Variants in NBAS observed in about 807,000 individuals in gnomAD.
NBAS encodes the protein NAG/BC035112 fusion.
A neutral mutation model predicts 302.5 loss-of-function variants in NBAS; 219 were observed. The observed-to-expected ratio is 0.72, with a 90% CI of 0.65 to 0.81. NBAS has a LOEUF of 0.81. Ranked by LOEUF, NBAS falls within the 30% of genes least tolerant of loss-of-function variation. NBAS has a pLI of 0.00. For missense variants in NBAS, 2,932 were observed against 2,841.6 expected (o/e 1.03, Z -0.72); for synonymous variants, 1,118 against 1,021.6 (o/e 1.09, Z -1.80).
At chr2:15,440,942 G>A (rs1232745474) in intron 21 of NBAS, among the ~76,000 whole-genome samples, 3 of 152,012 alleles carry the variant, frequency 2.0e-5, no homozygotes, top group Non-Finnish European at 4.4e-5. Context: ...GAAGCGAGAA[G>A]GGAAGTTTAG....
chr2:15,134,119 A>C, the NBAS span, among the ~76,000 whole-genome samples: 1 of 148,456 alleles, frequency 6.7e-6, no homozygotes, highest in Non-Finnish European at 1.5e-5. Flanking sequence ...TCCCTCCCCA[A>C]ATTCACATGT....
the NBAS span, among the ~76,000 whole-genome samples, chr2:14,837,458 G>A: frequency 3.3e-5 from 5 of 151,656 alleles, no homozygotes; most frequent in Non-Finnish European, 5.9e-5. Context: ...TGTAGAGAAT[G>A]CTGTTTCTCC....
intron 35 of NBAS, among the ~76,000 whole-genome samples, chr2:15,337,311 T>C (rs1007479248): frequency 6.6e-5 from 10 of 151,708 alleles, no homozygotes; most frequent in African/African-American, 2.4e-4. Context: ...GGGGAAAGGG[T>C]GGGAAGGAGG....
chr2:14,814,374 G>A, the NBAS span, among the ~76,000 whole-genome samples: 1 of 152,234 alleles, frequency 6.6e-6, no homozygotes, highest in Non-Finnish European at 1.5e-5. Context: ...GCTGTACTCT[G>A]TAGATCCACA....
intron 9 of NBAS, among the ~76,000 whole-genome samples, chr2:15,523,968 T>C (rs1423984669): frequency 3.9e-5 from 6 of 152,102 alleles, no homozygotes; most frequent in Admixed American, 3.9e-4. Context: ...CTACTAACAG[T>C]GAACACTGAA....
At chr2:15,152,158 T>C in the NBAS span, among the ~76,000 whole-genome samples, 3 of 152,208 alleles carry the variant, frequency 2.0e-5, no homozygotes, top group East Asian at 5.8e-4. Context: ...GAGTCTTAAA[T>C]GTTTTAGGTA....
At position 15,382,719 on chromosome 2, in the gene NBAS, C is replaced by T. The variant is rs561708871; in HGVS notation, c.3360+496G>A. Among the ~76,000 whole-genome samples the T allele has an allele frequency of 2.6e-5, 4 of 152,182 alleles. No homozygotes were observed. In the South Asian group the frequency reaches 8.3e-4, roughly 32 times the overall value. ...ATCTTCTATAGCTTTCTATGTCATG[C>T]TAAGGAGTAGAGCTACTTTTTGATT... On this transcript the variant is annotated intron_variant, in intron 29 of 51. Transcript: ENST00000281513.
chr2:15,165,823 C>T (rs933384587), downstream of NBAS, among the ~76,000 whole-genome samples: 12 of 152,186 alleles, frequency 7.9e-5, no homozygotes, highest in African/African-American at 2.9e-4. Flanking sequence ...TAACCTTGTG[C>T]AAATTACTCC....
intron 44 of NBAS, among the ~76,000 whole-genome samples, chr2:15,260,971 A>G (rs1668825176): frequency 6.6e-6 from 1 of 152,204 alleles, no homozygotes; most frequent in African/African-American, 2.4e-5. Context: ...AATGCTGACC[A>G]CAATGCTCAA....
At chr2:15,111,404 G>A in the NBAS span, among the ~76,000 whole-genome samples, 1 of 152,260 alleles carries the variant, frequency 6.6e-6, no homozygotes, top group African/African-American at 2.4e-5. Flanking sequence ...AGATCTGCAT[G>A]CTATTAGCAT....
the NBAS span, among the ~76,000 whole-genome samples, chr2:14,965,721 ATT>A: frequency 6.6e-6 from 1 of 152,150 alleles, no homozygotes; most frequent in Non-Finnish European, 1.5e-5. Flanking sequence ...TTAAGACAGT[ATT>A]TTCTAAAAGT....
At chr2:14,825,341 A>G in the NBAS span, among the ~76,000 whole-genome samples, 3 of 152,198 alleles carry the variant, frequency 2.0e-5, no homozygotes, top group Non-Finnish European at 4.4e-5. Flanking sequence ...TGCAATATCA[A>G]TCTGGTGAAC....
the NBAS span, among the ~76,000 whole-genome samples, chr2:14,916,267 G>A: frequency 6.6e-6 from 1 of 152,068 alleles, no homozygotes; most frequent in Non-Finnish European, 1.5e-5. Flanking sequence ...TCTGTAAAAT[G>A]ATAAGCTTCA....
intron 8 of NBAS, 41 bp from the exon 9 acceptor site, chr2:15,534,682 C>T (rs1453242808): frequency 7.3e-7 from 1 of 1,370,416 alleles, no homozygotes; most frequent in South Asian, 1.2e-5. Flanking sequence ...TACCATTAAA[C>T]CACAATGAAT....
At chr2:14,829,724 C>G in the NBAS span, among the ~76,000 whole-genome samples, 42 of 152,312 alleles carry the variant, frequency 2.8e-4, no homozygotes, top group Non-Finnish European at 3.8e-4. Context: ...TACTCCTGAG[C>G]TGGCACAACT....
intron 40 of NBAS, among the ~76,000 whole-genome samples, chr2:15,307,063 G>C (rs1387606652): frequency 6.6e-6 from 1 of 152,174 alleles, no homozygotes; most frequent in African/African-American, 2.4e-5. Flanking sequence ...CGGGGGATGT[G>C]ATGACAGGAC....
the NBAS span, among the ~76,000 whole-genome samples, chr2:14,928,966 T>A: frequency 6.6e-6 from 1 of 152,184 alleles, no homozygotes; most frequent in Admixed American, 6.5e-5. Context: ...AATTGAGCCA[T>A]CTTTTCACCT....
Position 15,167,301 on chromosome 2 carries a change from T to C in NBAS, c.6863A>G (p.Gln2288Arg). Reference sequence around the variant, plus strand: ...ATCCAGGAGCAGGGAAAGAAGTTCTTGGTCACAATTGGAATCATTCACCTT... The same window carrying C: ...ATCCAGGAGCAGGGAAAGAAGTTCTCGGTCACAATTGGAATCATTCACCTT... ...VTTVNDSNCD[Q>R]ELLSLLLDAK... The change falls in exon 52 of 52, where the codon CAA (glutamine) becomes CGA (arginine). Residue 2288 changes from glutamine to arginine, a missense_variant. By Grantham distance (43) the Gln-to-Arg change is conservative. Coordinates refer to ENST00000281513, the MANE Select transcript of NBAS (RefSeq NM_015909.4). 2 of 1,614,254 alleles carry C rather than the reference T, an allele frequency of 1.2e-6. No individual in the cohort carries two copies. The highest frequency in any genetic ancestry group is 1.7e-6 in the Non-Finnish European group (2 of 1,180,046).
intron 44 of NBAS, among the ~76,000 whole-genome samples, chr2:15,259,850 T>C (rs1163191384): frequency 6.6e-6 from 1 of 152,242 alleles, no homozygotes; most frequent in Non-Finnish European, 1.5e-5. Flanking sequence ...TCTGCCTTTT[T>C]TGTTTTGGTG....
Sources: gnomAD v4.1 joint callset for allele counts (sites outside exome capture counted in the v4.1 genomes callset) on GRCh38, gnomAD v4.1.1 for gene constraint, MANE v1.5 for transcripts, NCBI Gene and HGNC (gene_info 2026-07-23, HGNC 2026-07-21) for gene names.